SPC25: variants seen among roughly 807,000 people sequenced by gnomAD.
The protein encoded by SPC25 is SPC25 component of NDC80 kinetochore complex, also known as kinetochore protein Spc25.
Under a neutral mutation model 29.6 loss-of-function variants are expected in SPC25, and 22 were observed. The observed-to-expected ratio is 0.74, with a 90% confidence interval of 0.53 to 1.06. SPC25 has a LOEUF of 1.06. SPC25 is among the 50% of genes least tolerant of loss of function. The pLI is 0.00. For missense variants in SPC25, 230 were observed against 255.8 expected, an observed-to-expected ratio of 0.90 and a Z score of 0.69; for synonymous variants, 91 against 90.4, an observed-to-expected ratio of 1.01 and a Z score of -0.04.
At chr2:168,876,600 C>CTTTTTT (rs34758857) in intron 4 of SPC25, among the ~76,000 whole-genome samples, 1 of 142,840 alleles carries the variant, frequency 7.0e-6, no homozygotes, top group Non-Finnish European at 1.5e-5. Context: ...TTAGTTTTTT[C>CTTTTTT]TTTTTTTTTT....
chr2:168,868,770 C>T (rs1488621144), downstream of SPC25, among the ~76,000 whole-genome samples: 3 of 152,164 alleles, frequency 2.0e-5, no homozygotes, highest in East Asian at 3.8e-4. Flanking sequence ...TGAATTCTAC[C>T]AGAGGTACAA....
At chr2:168,865,689 T>C (rs1689823724) in intron 4 of SPC25, among the ~76,000 whole-genome samples, 1 of 152,196 alleles carries the variant, frequency 6.6e-6, no homozygotes, top group African/African-American at 2.4e-5. Flanking sequence ...TGTCCCTGTT[T>C]GCAGATGACA....
At chr2:168,877,209 G>T in intron 4 of SPC25, 29 bp downstream of exon 4, 1 of 1,606,974 alleles carries the variant, frequency 6.2e-7, no homozygotes, top group Non-Finnish European at 8.5e-7. Context: ...TTCCATTTTA[G>T]ATCAGTATGT....
At position 168,876,417 on chromosome 2, in the gene SPC25, T is replaced by G. The variant is rs531394312; in HGVS notation, c.347-241A>C. Among the ~76,000 whole-genome samples, 4 of 152,174 alleles carry G rather than the reference T, an allele frequency of 2.6e-5. No homozygotes were observed. The East Asian group carries it at 5.8e-4, about 22-fold the overall frequency. ...GAGAAGAATAAGCCTTGTCTTACTTTATTATGTAGTAGCATAAGTAAATAG... is the reference window on the plus strand; with the variant it reads ...GAGAAGAATAAGCCTTGTCTTACTTGATTATGTAGTAGCATAAGTAAATAG... On this transcript the variant is annotated intron_variant, in intron 4 of 6. Transcript: ENST00000282074.
chr2:168,889,362 C>A, intron 2 of SPC25, 25 bp downstream of exon 2: 1 of 1,613,656 alleles, frequency 6.2e-7, no homozygotes, highest in Non-Finnish European at 8.5e-7. Flanking sequence ...GCAAAACCAG[C>A]ATGTTACAAG....
intron 4 of SPC25, among the ~76,000 whole-genome samples, chr2:168,864,426 C>CAG (rs1559148177): frequency 6.6e-6 from 1 of 152,100 alleles, no homozygotes; most frequent in East Asian, 1.9e-4. Context: ...GCTGGTATTA[C>CAG]AGGCGTGCGC....
At chr2:168,883,544 G>A (rs1472764075) in intron 3 of SPC25, among the ~76,000 whole-genome samples, 2 of 152,090 alleles carry the variant, frequency 1.3e-5, no homozygotes, top group African/African-American at 4.8e-5. Context: ...CAAAGATCTC[G>A]GTCAAAATCA....
chr2:168,865,102 C>A, intron 4 of SPC25: 2 of 913,788 alleles, frequency 2.2e-6, no homozygotes, highest in Admixed American at 2.8e-5. Flanking sequence ...CATGTCACAG[C>A]ACTTTGCATT....
intron 3 of SPC25, among the ~76,000 whole-genome samples, chr2:168,882,570 C>G (rs1690195201): frequency 1.3e-5 from 2 of 152,252 alleles, no homozygotes; most frequent in South Asian, 4.1e-4. Context: ...CCACTGCACT[C>G]CAGCCTGGTG....
intron 4 of SPC25, 29 bp downstream of exon 4, chr2:168,877,209 G>C: frequency 6.2e-7 from 1 of 1,606,974 alleles, no homozygotes; most frequent in Non-Finnish European, 8.5e-7. Context: ...TTCCATTTTA[G>C]ATCAGTATGT....
In SPC25 at chr2:168,875,028, A is replaced by G. The variant is rs143718596; in HGVS notation, c.451+1044T>C. 2.0e-5 allele frequency among the ~76,000 whole-genome samples: 3 copies of G among 152,326 alleles called. No homozygotes were observed. The East Asian group carries it at 5.8e-4, about 29-fold the overall frequency. On this transcript the variant is annotated intron_variant, in intron 5 of 6. Coordinates refer to ENST00000282074, the MANE Select transcript of SPC25 (RefSeq NM_020675.4). The stretch of plus-strand genomic sequence containing the variant: ...AGACATTGCCATACATTAGCGATGT[A>G]CATGTGATATACATGCAACAGGCAT...
chr2:168,889,406 A>G lies in SPC25; in HGVS notation c.114T>C (p.Asp38=). ...AGGTACCTGCAAATGCTTTGATGGA[A>G]TCCTTGTAGGTATCTCTTAGTCCCG... ...QMAGLRDTYK[D]SIKAFAEKLS... Residue 38 remains aspartate (D), a synonymous_variant, in exon 2 of 7, where the codon GAT becomes GAC. Transcript: ENST00000282074. The G allele has an allele frequency of 1.2e-6, 2 of 1,614,196 alleles. No individual in the cohort carries two copies. Among genetic ancestry groups the G allele is most frequent in the South Asian group, 1.1e-5 (1 of 91,080 alleles).
At chr2:168,871,807 G>T (rs758340456) in intron 6 of SPC25, among the ~76,000 whole-genome samples, 6 of 151,996 alleles carry the variant, frequency 3.9e-5, no homozygotes, top group Non-Finnish European at 8.8e-5. Flanking sequence ...GGCACTGAAG[G>T]ATCGAAGAGT....
At chr2:168,861,751 A>T (rs1007026620) in intron 4 of SPC25, among the ~76,000 whole-genome samples, 19 of 152,354 alleles carry the variant, frequency 1.2e-4, no homozygotes, top group African/African-American at 4.3e-4. Context: ...TTTTGGTTAT[A>T]TAACATATGC....
rs900760081 is a variant in SPC25, at chr2:168,890,344, G to A, written c.-41C>T. The A allele has an allele frequency of 7.3e-5, 72 of 985,396 alleles. No homozygotes were observed. Among genetic ancestry groups the A allele is most frequent in the Admixed American group, 6.2e-5 (1 of 16,260 alleles). The allele number at this position is 985,396 out of a possible 1,614,324, so 61.0% of individuals were successfully genotyped here. A position where few individuals can be genotyped will look rare whatever the true frequency, so the allele number is the denominator to read the frequency against. On this transcript the variant is annotated 5_prime_UTR_variant, in exon 1 of 7. Transcript: ENST00000282074. ...TTCGCAGGCAGGCCTGAGTCCCGCC[G>A]CCTTCCCCACACCAGATCCGCGCCC...
At chr2:168,885,190 C>T (rs115113447) in intron 3 of SPC25, among the ~76,000 whole-genome samples, 1 of 152,186 alleles carries the variant, frequency 6.6e-6, no homozygotes, top group Non-Finnish European at 1.5e-5. Flanking sequence ...AAACATGCTC[C>T]TCCTCTCTTT....
intron 4 of SPC25, chr2:168,864,994 T>G (rs1363014443): frequency 6.2e-7 from 1 of 1,612,344 alleles, no homozygotes. Context: ...ACATACTACC[T>G]TCACACTCGG....
At chr2:168,864,419 G>A (rs745398413) in intron 4 of SPC25, among the ~76,000 whole-genome samples, 11 of 151,900 alleles carry the variant, frequency 7.2e-5, no homozygotes, top group Non-Finnish European at 1.2e-4. Flanking sequence ...CTGAGTAGCT[G>A]GTATTACAGG....
chr2:168,872,860 C>T (rs982922775), intron 6 of SPC25, among the ~76,000 whole-genome samples: 16 of 152,108 alleles, frequency 1.1e-4, no homozygotes, highest in African/African-American at 4.8e-5. Context: ...CAGGGCACAG[C>T]GCTGTGCCAG....
Sources: allele counts gnomAD v4.1 joint callset (sites outside exome capture counted in the v4.1 genomes callset), GRCh38; gene constraint gnomAD v4.1.1; transcripts MANE v1.5; gene names NCBI Gene and HGNC (gene_info 2026-07-23, HGNC 2026-07-21).